MPP7: variants seen among roughly 807,000 people sequenced by gnomAD.
MPP7 encodes the protein MAGUK p55 subfamily member 7.
MPP7 carries 60 observed loss-of-function variants against 76.5 expected under a neutral mutation model. That is an observed-to-expected ratio of 0.78 (90% CI 0.64 to 0.97). MPP7 has a LOEUF of 0.97. Among genes scored for constraint, MPP7 ranks in the 50% least tolerant of loss-of-function variants. The probability of loss-of-function intolerance (pLI) is 0.00; values close to 1 mark genes in which losing one functional copy is unlikely to be tolerated. For missense variants in MPP7, 641 were observed against 694.0 expected (o/e 0.92, Z 0.86); for synonymous variants, 237 against 244.5 (o/e 0.97, Z 0.29).
chr10:28,323,205 AACC>A (rs934046511), intron 2 of MPP7, among the ~76,000 whole-genome samples: 2 of 152,072 alleles, frequency 1.3e-5, no homozygotes, highest in Non-Finnish European at 2.9e-5. Flanking sequence ...GAATGGCATG[AACC>A]TTGGAGGCGG....
intron 11 of MPP7, among the ~76,000 whole-genome samples, chr10:28,094,909 T>C (rs1215489117): frequency 6.6e-6 from 1 of 151,986 alleles, no homozygotes; most frequent in Non-Finnish European, 1.5e-5. Flanking sequence ...GAGCCAACAT[T>C]CCGCCACTGC....
chr10:28,275,410 C>CTTT (rs111692769), intron 1 of MPP7, among the ~76,000 whole-genome samples: 141 of 141,656 alleles, frequency 1.0e-3, no homozygotes, highest in Middle Eastern at 3.7e-3. Flanking sequence ...CCTAATATTT[C>CTTT]TTTTTTTTTT....
At chr10:28,116,482 G>T (rs7916852) in intron 11 of MPP7, among the ~76,000 whole-genome samples, 39,432 of 151,954 alleles carry the variant, frequency 0.26, 7,223 homozygotes, top group East Asian at 0.88. Flanking sequence ...GCTACATCTT[G>T]TATATAATAA....
intron 5 of MPP7, among the ~76,000 whole-genome samples, chr10:28,137,776 G>C (rs1404931967): frequency 6.6e-6 from 1 of 152,146 alleles, no homozygotes; most frequent in Non-Finnish European, 1.5e-5. Context: ...CCATATGCCA[G>C]AGCCACCAAT....
Position 28,119,677 on chromosome 10 carries a change from G to A in MPP7, c.926C>T (p.Pro309Leu). The A allele has an allele frequency of 2.5e-6, 4 of 1,613,506 alleles. No homozygotes were observed. Among genetic ancestry groups the A allele is most frequent in the Non-Finnish European group, 3.4e-6 (4 of 1,179,702 alleles). ...TGATTTCCTGTTGGAAACTTTCAGG[G>A]GCTGAACCAATATTTCTGGTCGTCT... ...ALRRPEILVQ[P>L]LKVSNRKSSG... Residue 309 changes from proline to leucine, a missense_variant, in exon 11 of 17, where the codon CCC becomes CTC. Pro to Leu is a moderately conservative substitution (Grantham distance 98, BLOSUM62 -3). Coordinates refer to ENST00000683449, the MANE Select transcript of MPP7 (RefSeq NM_001318170.2).
chr10:28,238,688 C>T lies in MPP7; in HGVS notation c.-84G>A, dbSNP rs1209897325. 1 of 1,341,082 alleles carries T rather than the reference C, an allele frequency of 7.5e-7. No individual in the cohort carries two copies. Among genetic ancestry groups the T allele is most frequent in the East Asian group, 2.3e-5 (1 of 43,632 alleles). The allele number at this position is 1,341,082 out of a possible 1,614,324, so 83.1% of individuals were successfully genotyped here. The stretch of plus-strand genomic sequence containing the variant: ...GCCACAGGGAATTCCAATTCAACAG[C>T]CTGCAGCCACGTTGTCTACCAAGAT... On this transcript the variant is annotated 5_prime_UTR_variant, in exon 2 of 17. Transcript: ENST00000683449.
intron 3 of MPP7, among the ~76,000 whole-genome samples, chr10:28,173,277 T>A (rs1288718514): frequency 6.7e-6 from 1 of 149,248 alleles, no homozygotes; most frequent in African/African-American, 2.5e-5. Context: ...GACAAGCAGA[T>A]CCATTATTAC....
chr10:28,145,398 A>G (rs1835671581), intron 5 of MPP7, among the ~76,000 whole-genome samples: 1 of 152,246 alleles, frequency 6.6e-6, no homozygotes, highest in African/African-American at 2.4e-5. Context: ...TTAACTGTCA[A>G]TTCAACTAAC....
At chr10:28,135,746 T>A (rs1335986552) in intron 5 of MPP7, among the ~76,000 whole-genome samples, 2 of 151,128 alleles carry the variant, frequency 1.3e-5, no homozygotes, top group African/African-American at 2.4e-5. Flanking sequence ...CAAGATTTAA[T>A]GCTATGATCT....
At position 28,150,059 on chromosome 10, in the gene MPP7, T is replaced by C; in HGVS notation, c.157A>G (p.Ile53Val). 6.2e-7 allele frequency: 1 copy of C among 1,612,586 alleles called. No homozygotes were observed. The highest frequency in any genetic ancestry group is 8.5e-7 in the Non-Finnish European group (1 of 1,179,142). ...GEKSLHSLVKIHEKLHYYEKQ... is the reference protein window; with the variant it reads ...GEKSLHSLVKVHEKLHYYEKQ... The stretch of plus-strand genomic sequence containing the variant: ...TCATAGTAGTGTAGTTTTTCATGAA[T>C]CTGGAAGAAAATCAAATGCATATAA... Residue 53 changes from isoleucine to valine, a missense_variant and splice_region_variant, in exon 4 of 17, where the codon ATT becomes GTT. Physicochemically the swap from Ile to Val is conservative, Grantham distance 29. Transcript: ENST00000683449.
In MPP7 at chr10:28,150,027, C is replaced by T. The variant is rs781460707; in HGVS notation, c.189G>A (p.Gln63=). The T allele has an allele frequency of 6.2e-7, 1 of 1,613,762 alleles. No homozygotes were observed. Among genetic ancestry groups the T allele is most frequent in the South Asian group, 1.1e-5 (1 of 91,034 alleles). The change falls in exon 4 of 17, where the codon CAG becomes CAA. Residue 63 remains glutamine, a synonymous_variant. Coordinates refer to ENST00000683449, the MANE Select transcript of MPP7 (RefSeq NM_001318170.2). The part of the protein sequence containing the change: ...IHEKLHYYEK[Q]SPVPILHGAA... ...CACCATGGAGAATGGGCACCGGACT[C>T]TGCTTCTCATAGTAGTGTAGTTTTT...
At chr10:28,223,656 A>G (rs1838594147) in intron 2 of MPP7, among the ~76,000 whole-genome samples, 1 of 152,166 alleles carries the variant, frequency 6.6e-6, no homozygotes, top group Non-Finnish European at 1.5e-5. Context: ...GATCAAAGAC[A>G]GGATTAGTTT....
At chr10:28,054,996 G>A (rs145557241) in intron 16 of MPP7, among the ~76,000 whole-genome samples, 74 of 152,138 alleles carry the variant, frequency 4.9e-4, no homozygotes, top group African/African-American at 1.6e-3. Flanking sequence ...ACGTTCCTTC[G>A]ATGTCTCATT....
At chr10:28,131,028 T>G (rs1411008346) in intron 6 of MPP7, among the ~76,000 whole-genome samples, 2 of 152,148 alleles carry the variant, frequency 1.3e-5, no homozygotes, top group African/African-American at 2.4e-5. Flanking sequence ...CTTTTTTTAT[T>G]TTTAAAAATA....
intron 11 of MPP7, among the ~76,000 whole-genome samples, chr10:28,096,939 CAT>C (rs1853597720): frequency 6.6e-6 from 1 of 152,084 alleles, no homozygotes; most frequent in Non-Finnish European, 1.5e-5. Context: ...ATTATTATGC[CAT>C]GACAGAAAAA....
chr10:28,108,137 G>A (rs979363704), intron 11 of MPP7, among the ~76,000 whole-genome samples: 2 of 152,124 alleles, frequency 1.3e-5, no homozygotes, highest in African/African-American at 4.8e-5. Flanking sequence ...ACTTCAGGAT[G>A]CTCCATTTAC....
At chr10:28,107,818 C>T (rs1269183844) in intron 11 of MPP7, among the ~76,000 whole-genome samples, 1 of 152,134 alleles carries the variant, frequency 6.6e-6, no homozygotes, top group Non-Finnish European at 1.5e-5. Flanking sequence ...CACTGCTGAC[C>T]ACAGTATCAT....
chr10:28,157,407 G>A (rs1247260861), intron 3 of MPP7, among the ~76,000 whole-genome samples: 1 of 152,178 alleles, frequency 6.6e-6, no homozygotes, highest in African/African-American at 2.4e-5. Flanking sequence ...GATGAGCTAG[G>A]ATCTGGTTAG....
intron 12 of MPP7, among the ~76,000 whole-genome samples, chr10:28,074,819 T>G (rs949022938): frequency 2.6e-5 from 4 of 152,222 alleles, no homozygotes; most frequent in African/African-American, 9.6e-5. Flanking sequence ...CCCTTCATGT[T>G]TCCACTTTCA....
Sources: allele counts gnomAD v4.1 joint callset (sites outside exome capture counted in the v4.1 genomes callset), GRCh38; gene constraint gnomAD v4.1.1; transcripts MANE v1.5; gene names NCBI Gene and HGNC (gene_info 2026-07-23, HGNC 2026-07-21).